The following ZFPM2 variants were observed in gnomAD, a reference collection of about 807,000 sequenced individuals.
ZFPM2 encodes zinc finger protein ZFPM2.
Under a neutral mutation model 98.6 loss-of-function variants are expected in ZFPM2, and 20 were observed. The ratio of observed to expected loss-of-function variants is 0.20; its 90% CI spans 0.14 to 0.29. ZFPM2 has a LOEUF of 0.29. Ranked by LOEUF, ZFPM2 falls within the 10% of genes least tolerant of loss-of-function variation. The pLI is 1.00. For synonymous variants in ZFPM2, 518 were observed against 502.7 expected (o/e 1.03, Z -0.41); for missense variants, 1,310 against 1,388.6 (o/e 0.94, Z 0.90).
At chr8:105,519,469 A>G (rs572770198) in intron 3 of ZFPM2, among the ~76,000 whole-genome samples, 57 of 152,240 alleles carry the variant, frequency 3.7e-4, no homozygotes, top group Non-Finnish European at 6.6e-4. Context: ...AAAAATTGAG[A>G]TAATCCTACA....
chr8:105,625,971 G>GA (rs529659546), intron 4 of ZFPM2, among the ~76,000 whole-genome samples: 1,941 of 138,466 alleles, frequency 0.014, 29 homozygotes, highest in African/African-American at 0.045. Flanking sequence ...CTATTTTCTG[G>GA]AAAAAAAAAA....
chr8:105,788,895 C>T lies in ZFPM2; in HGVS notation c.710C>T (p.Ala237Val), dbSNP rs758075371. 1 of 1,613,754 alleles carries T rather than the reference C, an allele frequency of 6.2e-7. No homozygotes were observed. Among genetic ancestry groups the T allele is most frequent in the East Asian group, 2.2e-5 (1 of 44,832 alleles). ...IQLLPQQAAMASILPTAIVNK... is the reference protein window; with the variant it reads ...IQLLPQQAAMVSILPTAIVNK... ...CTGCTTCCTCAGCAAGCTGCCATGG[C>T]TTCTATTTTGCCCACAGCTATTGTC... The change falls in exon 6 of 8, where the codon GCT (alanine) becomes GTT (valine). Residue 237 changes from alanine (A) to valine (V), a missense_variant. By Grantham distance (64) the Ala-to-Val change is moderately conservative. Transcript: ENST00000407775.
chr8:105,673,752 T>G (rs1251532596), intron 5 of ZFPM2, among the ~76,000 whole-genome samples: 3 of 152,206 alleles, frequency 2.0e-5, no homozygotes, highest in African/African-American at 7.2e-5. Context: ...TAGAATTCCC[T>G]TAACTGAAAG....
intron 1 of ZFPM2, among the ~76,000 whole-genome samples, chr8:105,332,589 G>C (rs1812253092): frequency 1.3e-5 from 2 of 151,578 alleles, no homozygotes; most frequent in African/African-American, 4.8e-5. Context: ...TTAAGCCATG[G>C]GGATGGGGCA....
At chr8:105,533,578 A>G (rs1446342667) in intron 3 of ZFPM2, among the ~76,000 whole-genome samples, 1 of 152,078 alleles carries the variant, frequency 6.6e-6, no homozygotes. Flanking sequence ...AGATTAACAC[A>G]AAAGAGAACC....
chr8:105,563,819 A>G (rs549121654), intron 4 of ZFPM2, among the ~76,000 whole-genome samples: 4 of 152,272 alleles, frequency 2.6e-5, no homozygotes, highest in South Asian at 2.1e-4. Context: ...TCAGATACCA[A>G]TGCAACCTTT....
At chr8:105,572,512 G>C (rs1295712675) in intron 4 of ZFPM2, among the ~76,000 whole-genome samples, 5 of 151,804 alleles carry the variant, frequency 3.3e-5, no homozygotes, top group Non-Finnish European at 7.4e-5. Flanking sequence ...TTGTTCCCCA[G>C]GCTGGAGTGC....
At chr8:105,751,622 T>A (rs1812478205) in intron 5 of ZFPM2, among the ~76,000 whole-genome samples, 1 of 152,106 alleles carries the variant, frequency 6.6e-6, no homozygotes, top group South Asian at 2.1e-4. Context: ...TTTTTCAATG[T>A]CTTATTGAGA....
At chr8:105,588,296 A>G (rs1343714952) in intron 4 of ZFPM2, among the ~76,000 whole-genome samples, 1 of 152,174 alleles carries the variant, frequency 6.6e-6, no homozygotes, top group Non-Finnish European at 1.5e-5. Flanking sequence ...GGTGAAATCC[A>G]CAATTACCCC....
chr8:105,474,971 G>C (rs937348608), intron 3 of ZFPM2, among the ~76,000 whole-genome samples: 1 of 152,130 alleles, frequency 6.6e-6, no homozygotes, highest in African/African-American at 2.4e-5. Context: ...TCAGTAGTCT[G>C]TATCAGTTCA....
intron 5 of ZFPM2, among the ~76,000 whole-genome samples, chr8:105,675,153 A>C (rs932635419): frequency 6.6e-6 from 1 of 152,178 alleles, no homozygotes; most frequent in Non-Finnish European, 1.5e-5. Flanking sequence ...CATGACTGGC[A>C]TGAAGGCATT....
At chr8:105,705,768 T>C (rs1409396309) in intron 5 of ZFPM2, among the ~76,000 whole-genome samples, 1 of 152,176 alleles carries the variant, frequency 6.6e-6, no homozygotes, top group Non-Finnish European at 1.5e-5. Context: ...GGGCATAAGC[T>C]GGCTCCCAAG....
intron 5 of ZFPM2, among the ~76,000 whole-genome samples, chr8:105,687,878 G>T (rs1305581273): frequency 1.3e-5 from 2 of 151,836 alleles, no homozygotes; most frequent in African/African-American, 4.8e-5. Context: ...AGAAGGGAAA[G>T]AAATAAAAGA....
chr8:105,694,983 A>G (rs1490942388), intron 5 of ZFPM2, among the ~76,000 whole-genome samples: 1 of 152,150 alleles, frequency 6.6e-6, no homozygotes, highest in Non-Finnish European at 1.5e-5. Flanking sequence ...TTACTTTTTA[A>G]GATAACCCTC....
intron 1 of ZFPM2, among the ~76,000 whole-genome samples, chr8:105,408,011 G>C (rs1811496406): frequency 6.6e-6 from 1 of 151,838 alleles, no homozygotes; most frequent in Non-Finnish European, 1.5e-5. Context: ...CCACCTTTTG[G>C]CTTACCCTAT....
chr8:105,454,623 G>A (rs536832673), intron 3 of ZFPM2, among the ~76,000 whole-genome samples: 3 of 152,230 alleles, frequency 2.0e-5, no homozygotes, highest in African/African-American at 7.2e-5. Flanking sequence ...TTATTGCCAG[G>A]ATCCCTTGTA....
chr8:105,798,695 A>G (rs760149328), intron 6 of ZFPM2, 29 bp from the exon 7 acceptor site: 4 of 1,587,220 alleles, frequency 2.5e-6, no homozygotes, highest in Middle Eastern at 1.9e-4. Flanking sequence ...GGACAGCAGC[A>G]AATGTGTCTC....
chr8:105,323,007 A>G (rs1301124896), intron 1 of ZFPM2, among the ~76,000 whole-genome samples: 1 of 151,662 alleles, frequency 6.6e-6, no homozygotes, highest in Admixed American at 6.6e-5. Context: ...AAATAAGAAT[A>G]TTATATATTA....
At chr8:105,643,875 G>C (rs1227678689) in intron 5 of ZFPM2, among the ~76,000 whole-genome samples, 2 of 152,176 alleles carry the variant, frequency 1.3e-5, no homozygotes, top group African/African-American at 4.8e-5. Context: ...TACAAGGATT[G>C]ATAAATAATG....
Sources: allele counts gnomAD v4.1 joint callset (sites outside exome capture counted in the v4.1 genomes callset), GRCh38; gene constraint gnomAD v4.1.1; transcripts MANE v1.5; gene names NCBI Gene and HGNC (gene_info 2026-07-23, HGNC 2026-07-21).